MYO10: variants seen among roughly 807,000 people sequenced by gnomAD.
MYO10 encodes myosin X.
A neutral mutation model predicts 257.3 loss-of-function variants in MYO10; 133 were observed. That is an observed-to-expected ratio of 0.52 (90% CI 0.45 to 0.60). The LOEUF (loss-of-function observed/expected upper bound fraction) is 0.60. Among genes scored for constraint, MYO10 ranks in the 20% least tolerant of loss-of-function variants. The pLI is 0.00. For missense variants in MYO10, 2,399 were observed against 2,635.7 expected (o/e 0.91, Z 1.97); for synonymous variants, 1,104 against 1,028.6 (o/e 1.07, Z -1.40).
At chr5:16,922,968 C>G (rs1267890111) in intron 1 of MYO10, among the ~76,000 whole-genome samples, 1 of 151,972 alleles carries the variant, frequency 6.6e-6, no homozygotes, top group Non-Finnish European at 1.5e-5. Context: ...GAGGTGGAGG[C>G]TGCAGTGAGC....
intron 38 of MYO10, 53 bp downstream of exon 38, chr5:16,671,369 G>T: frequency 6.2e-7 from 1 of 1,601,226 alleles, no homozygotes. Flanking sequence ...AGTATTAACA[G>T]GTTTCACCCT....
chr5:16,704,469 T>A, intron 22 of MYO10, 110 bp downstream of exon 22: 1 of 900,184 alleles, frequency 1.1e-6, no homozygotes, highest in Non-Finnish European at 1.7e-6. Context: ...AGGCCTGACC[T>A]GAGGCTCCCC....
chr5:16,903,195 A>G (rs1013457140), intron 1 of MYO10, among the ~76,000 whole-genome samples: 1 of 152,260 alleles, frequency 6.6e-6, no homozygotes, highest in African/African-American at 2.4e-5. Flanking sequence ...TCATGAGGTC[A>G]GGAGTTGAAG....
intron 19 of MYO10, among the ~76,000 whole-genome samples, chr5:16,748,221 T>C (rs1350286632): frequency 6.6e-6 from 1 of 151,872 alleles, no homozygotes; most frequent in Non-Finnish European, 1.5e-5. Context: ...AGGTGTACAC[T>C]ACCACTCCTG....
chr5:16,904,325 C>T (rs1008607248), intron 1 of MYO10, among the ~76,000 whole-genome samples: 12 of 152,258 alleles, frequency 7.9e-5, no homozygotes, highest in African/African-American at 2.6e-4. Flanking sequence ...AGCCAGTAAA[C>T]GTAAGCCAGT....
At chr5:16,935,040 T>C (rs1163315687) in intron 1 of MYO10, among the ~76,000 whole-genome samples, 1 of 152,092 alleles carries the variant, frequency 6.6e-6, no homozygotes, top group Non-Finnish European at 1.5e-5. Context: ...CCACAGTAAG[T>C]CTCGATCCCA....
At chr5:16,796,536 A>G (rs368789110) in intron 3 of MYO10, among the ~76,000 whole-genome samples, 53 of 152,302 alleles carry the variant, frequency 3.5e-4, no homozygotes, top group African/African-American at 1.2e-3. Flanking sequence ...AGAGTTACCA[A>G]AGCTTAATGC....
chr5:16,829,795 C>T (rs553966523), intron 2 of MYO10, among the ~76,000 whole-genome samples: 5 of 152,200 alleles, frequency 3.3e-5, no homozygotes, highest in South Asian at 2.1e-4. Flanking sequence ...AGAAAGGCCT[C>T]GGTGATACCC....
At chr5:16,916,167 A>G (rs1745811016) in intron 1 of MYO10, 2 of 455,930 alleles carry the variant, frequency 4.4e-6, no homozygotes, top group South Asian at 3.1e-5. Flanking sequence ...CCATCTCCAG[A>G]GACCTTCGTT....
intron 18 of MYO10, among the ~76,000 whole-genome samples, chr5:16,757,877 C>G (rs1740582196): frequency 6.6e-6 from 1 of 152,232 alleles, no homozygotes; most frequent in Non-Finnish European, 1.5e-5. Flanking sequence ...GTTGCCCCGG[C>G]TGGTTTTGAA....
Position 16,700,972 on chromosome 5 carries a change from C to T in MYO10, c.3423G>A (p.Ala1141=), listed in dbSNP as rs150139256. The change falls in exon 25 of 41, where the codon GCG becomes GCA. Residue 1141 remains alanine (A), a synonymous_variant. Coordinates refer to ENST00000513610, the MANE Select transcript of MYO10 (RefSeq NM_012334.3). ...CCAGGCAGGTACTTACCGAGGACTGCGCCCCCTCAGAGCTGAACCGGTAGG... is the reference window on the plus strand; with the variant it reads ...CCAGGCAGGTACTTACCGAGGACTGTGCCCCCTCAGAGCTGAACCGGTAGG... The part of the protein sequence containing the change: ...SGAYRFSSEG[A]QSSFEDSEED... The T allele has an allele frequency of 1.5e-5, 23 of 1,553,444 alleles. No homozygotes were observed. The highest frequency in any genetic ancestry group is 1.2e-4 in the African/African-American group (9 of 73,354).
intron 3 of MYO10, among the ~76,000 whole-genome samples, chr5:16,816,188 A>C (rs565977774): frequency 1.6e-4 from 25 of 151,932 alleles, no homozygotes; most frequent in African/African-American, 6.0e-4. Context: ...AAAATACAAA[A>C]ATTAGCTGGG....
At chr5:16,715,819 G>A (rs1415248754) in intron 19 of MYO10, among the ~76,000 whole-genome samples, 1 of 152,114 alleles carries the variant, frequency 6.6e-6, no homozygotes, top group Non-Finnish European at 1.5e-5. Flanking sequence ...ACTTTGGGAG[G>A]GCGAGGCAGG....
intron 10 of MYO10, 89 bp from the exon 11 acceptor site, chr5:16,766,287 G>A: frequency 1.1e-6 from 1 of 916,718 alleles, no homozygotes; most frequent in Non-Finnish European, 1.7e-6. Flanking sequence ...GAACACACCT[G>A]AATCCCTCAC....
rs767513216 is a variant in MYO10 at position 16,681,305 on chromosome 5, T to C, written c.4384+4A>G. 1.1e-5 allele frequency: 18 copies of C among 1,605,240 alleles called. No homozygotes were observed. Among genetic ancestry groups the C allele is most frequent in the African/African-American group, 4.0e-5 (3 of 74,370 alleles). ...CTCAGGGTTCGGGCAGCCAGCCTGG[T>C]TACCTGTCTCTTTGAATATCTTCTC... On this transcript the variant is annotated splice_donor_region_variant and intron_variant, in intron 32 of 40. Transcript: ENST00000513610.
chr5:16,835,109 G>A (rs1207297169), intron 2 of MYO10, among the ~76,000 whole-genome samples: 1 of 152,156 alleles, frequency 6.6e-6, no homozygotes, highest in Non-Finnish European at 1.5e-5. Flanking sequence ...CCCAGGAGGT[G>A]GAGGTTGCAG....
chr5:16,814,788 T>G, intron 3 of MYO10: 1 of 151,984 alleles, frequency 6.6e-6, no homozygotes, highest in East Asian at 1.9e-4. Context: ...TGAACTGAAC[T>G]GCAAATTGGA....
rs913375127 is a variant in MYO10 at position 16,663,351 on chromosome 5, T to A, written c.*3341A>T. 1 of 106,376 alleles carries A rather than the reference T, an allele frequency of 9.4e-6. No individual in the cohort carries two copies. The highest frequency in any genetic ancestry group is 2.1e-5 in the Non-Finnish European group (1 of 46,616). The allele number at this position is 106,376 out of a possible 1,614,324, so 6.6% of individuals were successfully genotyped here. On this transcript the variant is annotated 3_prime_UTR_variant, in exon 41 of 41. Transcript: ENST00000513610. ...TTGTTTTTTTTTTTTTTTTTTTTTT[T>A]TTTTTTTTTTTTTTTTACAAATCAC...
chr5:16,775,134 T>C (rs1741177355), intron 9 of MYO10, among the ~76,000 whole-genome samples: 2 of 152,218 alleles, frequency 1.3e-5, no homozygotes, highest in African/African-American at 4.8e-5. Context: ...AAACCAGTTG[T>C]TACTACTGAC....
Sources: gnomAD v4.1 joint callset for allele counts (sites outside exome capture counted in the v4.1 genomes callset) on GRCh38, gnomAD v4.1.1 for gene constraint, MANE v1.5 for transcripts, NCBI Gene and HGNC (gene_info 2026-07-23, HGNC 2026-07-21) for gene names.